The following RND1 variants were observed in gnomAD, a reference collection of about 807,000 sequenced individuals.
The protein encoded by RND1 is rho-related GTP-binding protein Rho6.
RND1 carries 9 observed loss-of-function variants against 27.1 expected under a neutral mutation model. The ratio of observed to expected loss-of-function variants is 0.33; its 90% CI spans 0.20 to 0.58. The LOEUF (loss-of-function observed/expected upper bound fraction) is 0.58, where lower values mean the gene tolerates loss of function less well. Among genes scored for constraint, RND1 ranks in the 20% least tolerant of loss-of-function variants. The pLI is 0.86. For synonymous variants in RND1, 108 were observed against 115.7 expected, an observed-to-expected ratio of 0.93 and a Z score of 0.43; for missense variants, 253 against 292.2, an observed-to-expected ratio of 0.87 and a Z score of 0.98.
At chr12:48,858,378 G>T in intron 4 of RND1, 137 bp from the exon 5 acceptor site, 6 of 799,876 alleles carry the variant, frequency 7.5e-6, no homozygotes, top group East Asian at 6.3e-5. Flanking sequence ...CAGATTATTC[G>T]ATTATCTTTT....
chr12:48,862,042 G>T lies in RND1; in HGVS notation c.285C>A (p.Ser95Arg). 6.2e-7 allele frequency: 1 copy of T among 1,611,926 alleles called. No individual in the cohort carries two copies. Among genetic ancestry groups the T allele is most frequent in the Non-Finnish European group, 8.5e-7 (1 of 1,177,940 alleles). Residue 95 changes from serine to arginine, a missense_variant, in exon 3 of 5, where the codon AGC (serine) becomes AGA (arginine). Transcript: ENST00000309739. ...SDAVLLCFDI[S>R]RPETVDSALK... ...GTGCGCTGTCCACTGTCTCTGGACG[G>T]CTGATGTCAAAACATAGTAATACTG...
intron 4 of RND1, among the ~76,000 whole-genome samples, chr12:48,860,626 C>G (rs1938908714): frequency 6.9e-6 from 1 of 144,954 alleles, no homozygotes; most frequent in Non-Finnish European, 1.5e-5. Flanking sequence ...ATCTCAAACT[C>G]CTGGGCTCAA....
Position 48,865,857 on chromosome 12 carries a change from G to A in RND1, c.-90C>T. On this transcript the variant is annotated 5_prime_UTR_variant, in exon 1 of 5. Coordinates refer to ENST00000309739, the MANE Select transcript of RND1 (RefSeq NM_014470.4). ...GCACGCCAATCAAGCCAGATTCCCT[G>A]CCTCCCTCCAACTGAGGAGGAGGCC... 6 of 1,499,790 alleles carry A rather than the reference G, an allele frequency of 4.0e-6. No individual in the cohort carries two copies. The highest frequency in any genetic ancestry group is 4.4e-6 in the Non-Finnish European group (5 of 1,124,220). 92.9% of individuals were successfully genotyped at this position (1,499,790 alleles called of 1,614,324 possible). A position where few individuals can be genotyped will look rare whatever the true frequency, so the allele number is the denominator to read the frequency against.
intron 2 of RND1, among the ~76,000 whole-genome samples, chr12:48,864,123 C>T (rs1318283288): frequency 1.3e-5 from 2 of 152,174 alleles, no homozygotes; most frequent in Non-Finnish European, 2.9e-5. Context: ...CTATTCACAA[C>T]TGACTATGCC....
intron 2 of RND1, among the ~76,000 whole-genome samples, chr12:48,864,231 G>A (rs947136057): frequency 6.6e-6 from 1 of 152,142 alleles, no homozygotes; most frequent in African/African-American, 2.4e-5. Context: ...AGCTGCGGCA[G>A]GAGGACAGCA....
intron 4 of RND1, 150 bp from the exon 5 acceptor site, chr12:48,858,391 T>A: frequency 1.5e-5 from 4 of 272,176 alleles, no homozygotes; most frequent in Non-Finnish European, 1.8e-5. Flanking sequence ...TATCTTTTCT[T>A]TTTTTTTTTT....
intron 3 of RND1, 66 bp from the exon 4 acceptor site, chr12:48,861,197 TAC>T: frequency 6.6e-7 from 1 of 1,516,572 alleles, no homozygotes; most frequent in Non-Finnish European, 8.9e-7. Context: ...GGCAGACAGA[TAC>T]CAGGAGAAGC....
rs1476167972 is a variant in RND1 at position 48,857,776 on chromosome 12, C to T, written c.*220G>A. 2 of 448,490 alleles carry T rather than the reference C, an allele frequency of 4.5e-6. No individual in the cohort carries two copies. The highest frequency in any genetic ancestry group is 7.6e-6 in the Non-Finnish European group (2 of 262,950). 27.8% of individuals were successfully genotyped at this position (448,490 alleles called of 1,614,324 possible). ...CTGGGGTAGTCGCCCCCTCCAAAAT[C>T]TAGTGCCTGGCTTGGGGTATGATGG... On this transcript the variant is annotated 3_prime_UTR_variant, in exon 5 of 5. Transcript: ENST00000309739.
rs200340902 is a variant in RND1 at position 48,861,004 on chromosome 12, T to C, written c.446A>G (p.Tyr149Cys). Reference protein sequence around the residue: ...LSHQKQAPISYEQGCAIAKQL... With the variant: ...LSHQKQAPISCEQGCAIAKQL... ...ACTTGCATGCGCACACACCTGCTCA[T>C]AGGAGATGGGCGCCTGCTTCTGGTG... Residue 149 changes from tyrosine to cysteine, a missense_variant, in exon 4 of 5, where the codon TAT (tyrosine) becomes TGT (cysteine). Coordinates refer to ENST00000309739, the MANE Select transcript of RND1 (RefSeq NM_014470.4). 2.5e-5 allele frequency: 41 copies of C among 1,613,434 alleles called. 1 individual carries two copies. In the Admixed American group the frequency reaches 6.5e-4, roughly 26 times the overall value.
intron 2 of RND1, among the ~76,000 whole-genome samples, chr12:48,862,955 G>T (rs557428237): frequency 1.6e-4 from 24 of 151,990 alleles, no homozygotes; most frequent in Non-Finnish European, 3.1e-4. Flanking sequence ...ATGGAAACTG[G>T]GGGGAATCCA....
At position 48,861,341 on chromosome 12, in the gene RND1, C is replaced by G. The variant is rs146230370; in HGVS notation, c.319-210G>C. Among the ~76,000 whole-genome samples the G allele has an allele frequency of 3.9e-4, 60 of 152,254 alleles. No homozygotes were observed. In the East Asian group the frequency reaches 9.1e-3, roughly 23 times the overall value. Reference sequence around the variant, plus strand: ...GCCTTTGGGGCCCCCAGAGTGCTGACCCAGGAGCCTGTTCCCCCAGTCTAT... The same window carrying G: ...GCCTTTGGGGCCCCCAGAGTGCTGAGCCAGGAGCCTGTTCCCCCAGTCTAT... On this transcript the variant is annotated intron_variant, in intron 3 of 4. Coordinates refer to ENST00000309739, the MANE Select transcript of RND1 (RefSeq NM_014470.4).
chr12:48,860,863 T>C (rs1651036030), intron 4 of RND1, 134 bp downstream of exon 4: 2 of 1,268,066 alleles, frequency 1.6e-6, no homozygotes, highest in East Asian at 2.3e-5. Flanking sequence ...TCTCTCCAGG[T>C]GACTCATTTG....
chr12:48,861,841 C>T (rs1938922836), intron 3 of RND1, among the ~76,000 whole-genome samples, 168 bp downstream of exon 3: 1 of 152,204 alleles, frequency 6.6e-6, no homozygotes, highest in Admixed American at 6.5e-5. Context: ...GGTAAGGAGA[C>T]CCAAGTTCCA....
chr12:48,864,436 T>C lies in RND1; in HGVS notation c.208+347A>G, dbSNP rs927582176. Among the ~76,000 whole-genome samples the C allele has an allele frequency of 9.6e-5, 14 of 146,382 alleles. No homozygotes were observed. In the East Asian group the frequency reaches 2.3e-3, roughly 24 times the overall value. On this transcript the variant is annotated intron_variant, in intron 2 of 4. Coordinates refer to ENST00000309739, the MANE Select transcript of RND1 (RefSeq NM_014470.4). Reference sequence around the variant, plus strand: ...GTGTGTGCGCGCGCGCGCGTGTGTGTGCATGTGTGTACGCGTGCATGTTGG... The same window carrying C: ...GTGTGTGCGCGCGCGCGCGTGTGTGCGCATGTGTGTACGCGTGCATGTTGG...
intron 2 of RND1, among the ~76,000 whole-genome samples, chr12:48,863,159 C>T (rs1447619178): frequency 6.6e-6 from 1 of 152,112 alleles, no homozygotes; most frequent in Non-Finnish European, 1.5e-5. Context: ...AGCAATCCCC[C>T]TCCCCTAAGA....
intron 3 of RND1, 36 bp downstream of exon 3, chr12:48,861,973 G>T: frequency 1.7e-6 from 2 of 1,204,484 alleles, no homozygotes; most frequent in Non-Finnish European, 1.2e-6. Context: ...TGGTCCTCAT[G>T]CTGAGTTAGA....
At position 48,857,802 on chromosome 12, in the gene RND1, T is replaced by TTC. The variant is rs1938863743; in HGVS notation, c.*192_*193dup. ...TAGTGCCTGGCTTGGGGTATGATGGTTCTCTCTCAGCGTCAGGTCCTCATG... is the reference window on the plus strand; with the variant it reads ...TAGTGCCTGGCTTGGGGTATGATGGTTCTCTCTCTCAGCGTCAGGTCCTCATG... On this transcript the variant is annotated 3_prime_UTR_variant, in exon 5 of 5. Coordinates refer to ENST00000309739, the MANE Select transcript of RND1 (RefSeq NM_014470.4). 1.8e-6 allele frequency: 1 copy of TTC among 548,894 alleles called. No homozygotes were observed. 34.0% of individuals were successfully genotyped at this position (548,894 alleles called of 1,614,324 possible). A position where few individuals can be genotyped will look rare whatever the true frequency, so the allele number is the denominator to read the frequency against.
In RND1 at chr12:48,857,981, C is replaced by A. The variant is rs201072855; in HGVS notation, c.*15G>T. On this transcript the variant is annotated 3_prime_UTR_variant, in exon 5 of 5. Coordinates refer to ENST00000309739, the MANE Select transcript of RND1 (RefSeq NM_014470.4). ...GGAGGAAGTAGGGGGTTGTCTCCCC[C>A]CTCCAATTTCCACTTCACATAATGG... 1.0e-5 allele frequency: 16 copies of A among 1,576,824 alleles called. No individual in the cohort carries two copies. The highest frequency in any genetic ancestry group is 4.1e-5 in the African/African-American group (3 of 73,750).
rs1052672288 is a variant in RND1, at chr12:48,861,940, A to G, written c.318+69T>C. The G allele has an allele frequency of 1.3e-5, 12 of 916,704 alleles. No homozygotes were observed. The South Asian group carries it at 1.3e-4, about 10-fold the overall frequency. The allele number at this position is 916,704 out of a possible 1,614,324, so 56.8% of individuals were successfully genotyped here. A position where few individuals can be genotyped will look rare whatever the true frequency, so the allele number is the denominator to read the frequency against. On this transcript the variant is annotated intron_variant, in intron 3 of 4. Coordinates refer to ENST00000309739, the MANE Select transcript of RND1 (RefSeq NM_014470.4). ...CTTGATGTTATACAAGAGGGCATTC[A>G]TGACAAGGTCCCGATTCCTTCTTGG...
Sources: gnomAD v4.1 joint callset for allele counts (sites outside exome capture counted in the v4.1 genomes callset) on GRCh38, gnomAD v4.1.1 for gene constraint, MANE v1.5 for transcripts, NCBI Gene and HGNC (gene_info 2026-07-23, HGNC 2026-07-21) for gene names.